NDUFAF6: variants seen among roughly 807,000 people sequenced by gnomAD.
NDUFAF6 encodes the protein NADH:ubiquinone oxidoreductase complex assembly factor 6.
Under a neutral mutation model 40.8 loss-of-function variants are expected in NDUFAF6, and 45 were observed. The ratio of observed to expected loss-of-function variants is 1.10; its 90% CI spans 0.87 to 1.42. The LOEUF (loss-of-function observed/expected upper bound fraction) is 1.42. NDUFAF6 is among the 40% of genes most tolerant of loss of function. NDUFAF6 has a pLI of 0.00. For synonymous variants in NDUFAF6, 185 were observed against 155.9 expected, an observed-to-expected ratio of 1.19 and a Z score of -1.39; for missense variants, 435 against 418.5, an observed-to-expected ratio of 1.04 and a Z score of -0.34.
chr8:95,013,258 C>A (rs1409631278), intron 2 of NDUFAF6, among the ~76,000 whole-genome samples: 1 of 152,130 alleles, frequency 6.6e-6, no homozygotes, highest in Non-Finnish European at 1.5e-5. Context: ...CACCACCACA[C>A]CTGGCTAATG....
chr8:95,053,034 T>G (rs1315356429), intron 8 of NDUFAF6, among the ~76,000 whole-genome samples: 1 of 152,190 alleles, frequency 6.6e-6, no homozygotes, highest in Admixed American at 6.5e-5. Context: ...TCTTTGAAAA[T>G]TGTAAACTTA....
intron 1 of NDUFAF6, among the ~76,000 whole-genome samples, chr8:94,915,009 C>T (rs531631371): frequency 2.0e-5 from 3 of 152,214 alleles, no homozygotes; most frequent in Admixed American, 2.0e-4. Flanking sequence ...TTTGATTGAA[C>T]TCATCACCCA....
chr8:95,023,852 G>A (rs934048165), upstream of NDUFAF6, among the ~76,000 whole-genome samples: 1 of 152,246 alleles, frequency 6.6e-6, no homozygotes, highest in African/African-American at 2.4e-5. Flanking sequence ...TTAGCTGGAC[G>A]TGGTGGCGTG....
At chr8:94,982,733 A>G (rs2131586507) in intron 2 of NDUFAF6, among the ~76,000 whole-genome samples, 1 of 152,380 alleles carries the variant, frequency 6.6e-6, no homozygotes, top group South Asian at 2.1e-4. Flanking sequence ...TTAACCAATT[A>G]GTTGCTAGAG....
intron 1 of NDUFAF6, chr8:94,976,065 G>A (rs1824891458): frequency 6.6e-6 from 1 of 151,752 alleles, no homozygotes; most frequent in African/African-American, 2.4e-5. Context: ...GGGCGTGGTG[G>A]CGGGCGCCTG....
At chr8:95,069,453 T>C (rs905671985) in intron 9 of NDUFAF6, among the ~76,000 whole-genome samples, 3 of 151,874 alleles carry the variant, frequency 2.0e-5, no homozygotes, top group Non-Finnish European at 4.4e-5. Flanking sequence ...TGCTTTCACA[T>C]AGTTGGTCTT....
At position 95,031,474 on chromosome 8, in the gene NDUFAF6, A is replaced by T. The variant is rs181687347; in HGVS notation, c.198-521A>T. ...AAGTGATTCTGAAACAGTTAAAATT[A>T]TAAGTACTACATAAGTCATAGTAAA... On this transcript the variant is annotated intron_variant, in intron 1 of 8. Coordinates refer to ENST00000396124, the MANE Select transcript of NDUFAF6 (RefSeq NM_152416.4). Among the ~76,000 whole-genome samples the T allele has an allele frequency of 5.3e-3, 800 of 152,378 alleles. 6 individuals are homozygous for T. The highest frequency in any genetic ancestry group is 0.018 in the African/African-American group (760 of 41,586).
chr8:95,005,017 GTAA>G (rs1348989638), intron 2 of NDUFAF6, among the ~76,000 whole-genome samples: 2 of 152,184 alleles, frequency 1.3e-5, no homozygotes, highest in African/African-American at 2.4e-5. Flanking sequence ...ATTAAAGTCG[GTAA>G]TAATAACACA....
At chr8:94,986,028 C>G (rs369327391) in intron 2 of NDUFAF6, among the ~76,000 whole-genome samples, 6 of 152,004 alleles carry the variant, frequency 3.9e-5, no homozygotes, top group African/African-American at 9.7e-5. Context: ...CGTGTGCCAC[C>G]ATGCCCGGCT....
intron 2 of NDUFAF6, among the ~76,000 whole-genome samples, chr8:95,035,040 C>T (rs142082339): frequency 0.018 from 2,672 of 152,048 alleles, 81 homozygotes; most frequent in African/African-American, 0.06. Flanking sequence ...CCACCACACC[C>T]GGCTAATTTT....
In NDUFAF6 at chr8:94,941,103, C is replaced by T. The variant is rs567129117; in HGVS notation, c.-935-4380C>T. On this transcript the variant is annotated intron_variant, in intron 1 of 14. Coordinates refer to the NDUFAF6 transcript ENST00000396113. The stretch of plus-strand genomic sequence containing the variant: ...AAGAGTCATTGTACCTAAAATAAAA[C>T]AGAAAAAGGAAGTTATTTCAAATCA... 1.0e-4 allele frequency: 61 copies of T among 592,076 alleles called. No individual in the cohort carries two copies. In the South Asian group the frequency reaches 1.3e-3, roughly 12 times the overall value. 36.7% of individuals were successfully genotyped at this position (592,076 alleles called of 1,614,324 possible).
chr8:94,896,184 G>A (rs965061008), intron 1 of NDUFAF6, among the ~76,000 whole-genome samples: 62 of 151,514 alleles, frequency 4.1e-4, no homozygotes, highest in African/African-American at 1.4e-3. Context: ...TCCTCCCCCT[G>A]AGCGCGGTGG....
chr8:95,103,303 A>G (rs1420327404), exon 3 of NDUFAF6: 1 of 152,196 alleles, frequency 6.6e-6, no homozygotes, highest in East Asian at 1.9e-4. Context: ...GGCAGGCAAA[A>G]ATCTACTGTA....
At chr8:95,046,832 A>G (rs544687604) in intron 5 of NDUFAF6, among the ~76,000 whole-genome samples, 162 bp from the exon 6 acceptor site, 3 of 152,342 alleles carry the variant, frequency 2.0e-5, no homozygotes, top group Non-Finnish European at 2.9e-5. Context: ...TAAATGGTCA[A>G]CTTGTTATTG....
intron 2 of NDUFAF6, among the ~76,000 whole-genome samples, chr8:95,085,218 T>G (rs1809003418): frequency 6.6e-6 from 1 of 152,158 alleles, no homozygotes; most frequent in African/African-American, 2.4e-5. Context: ...GTTCCCTTTT[T>G]GGAAAAAGAA....
Position 95,058,042 on chromosome 8 carries a change from T to G in NDUFAF6, c.*105T>G. On this transcript the variant is annotated 3_prime_UTR_variant, in exon 9 of 9. Coordinates refer to ENST00000396124, the MANE Select transcript of NDUFAF6 (RefSeq NM_152416.4). ...ATGACTGTTAAGGAGAAAATGAATTTATTGAATGGGATGTCAAGTAGCTCA... is the reference window on the plus strand; with the variant it reads ...ATGACTGTTAAGGAGAAAATGAATTGATTGAATGGGATGTCAAGTAGCTCA... 1 of 1,494,668 alleles carries G rather than the reference T, an allele frequency of 6.7e-7. No homozygotes were observed. The highest frequency in any genetic ancestry group is 1.3e-5 in the South Asian group (1 of 74,450). The allele number at this position is 1,494,668 out of a possible 1,614,324, so 92.6% of individuals were successfully genotyped here. A position where few individuals can be genotyped will look rare whatever the true frequency, so the allele number is the denominator to read the frequency against.
chr8:94,922,299 C>T (rs1171249664), intron 1 of NDUFAF6, among the ~76,000 whole-genome samples: 6 of 151,476 alleles, frequency 4.0e-5, no homozygotes, highest in South Asian at 2.1e-4. Flanking sequence ...CATGAACCAC[C>T]GAGTCCGGCC....
intron 1 of NDUFAF6, among the ~76,000 whole-genome samples, chr8:94,980,369 T>C (rs983484446): frequency 6.6e-6 from 1 of 151,014 alleles, no homozygotes; most frequent in African/African-American, 2.4e-5. Context: ...TACTGGGGTG[T>C]ATCCCAAGAA....
chr8:95,065,791 C>A (rs747280401), intron 9 of NDUFAF6, among the ~76,000 whole-genome samples: 1 of 152,174 alleles, frequency 6.6e-6, no homozygotes, highest in Non-Finnish European at 1.5e-5. Flanking sequence ...TTATATACTT[C>A]TGTCACTTCT....
Sources: gnomAD v4.1 joint callset for allele counts (sites outside exome capture counted in the v4.1 genomes callset) on GRCh38, gnomAD v4.1.1 for gene constraint, MANE v1.5 for transcripts, NCBI Gene and HGNC (gene_info 2026-07-23, HGNC 2026-07-21) for gene names.